Variants in SEPTIN9 observed in about 807,000 individuals in gnomAD.
The protein encoded by SEPTIN9 is septin 9.
A neutral mutation model predicts 56.6 loss-of-function variants in SEPTIN9; 13 were observed. The ratio of observed to expected loss-of-function variants is 0.23; its 90% CI spans 0.15 to 0.37. The LOEUF is 0.37. Among genes scored for constraint, SEPTIN9 ranks in the 10% least tolerant of loss-of-function variants. The pLI is 1.00. For synonymous variants in SEPTIN9, 332 were observed against 334.1 expected, an observed-to-expected ratio of 0.99 and a Z score of 0.07; for missense variants, 650 against 823.1, an observed-to-expected ratio of 0.79 and a Z score of 2.57.
chr17:77,372,539 G>A (rs2034753116), intron 2 of SEPTIN9, among the ~76,000 whole-genome samples: 6 of 152,162 alleles, frequency 3.9e-5, no homozygotes, highest in South Asian at 4.1e-4. Context: ...ACCTTCCTTC[G>A]GAAACGTCTG....
chr17:77,366,186 T>C (rs1392139111), intron 2 of SEPTIN9, among the ~76,000 whole-genome samples: 1 of 152,162 alleles, frequency 6.6e-6, no homozygotes, highest in Admixed American at 6.5e-5. Context: ...TAGTGTGACT[T>C]TGCAGAGCTC....
chr17:77,473,717 C>T (rs1003486546), intron 3 of SEPTIN9, among the ~76,000 whole-genome samples: 3 of 152,208 alleles, frequency 2.0e-5, no homozygotes, highest in Non-Finnish European at 4.4e-5. Flanking sequence ...CCGGAAGTCT[C>T]GGCTAATAAA....
chr17:77,320,447 C>A, intron 2 of SEPTIN9: 1 of 1,044,158 alleles, frequency 9.6e-7, no homozygotes, highest in Non-Finnish European at 1.5e-6. Context: ...GGCGCTTTTG[C>A]TCATTTTTCA....
At chr17:77,300,971 C>G (rs1386677948) in intron 1 of SEPTIN9, among the ~76,000 whole-genome samples, 1 of 139,806 alleles carries the variant, frequency 7.2e-6, no homozygotes, top group East Asian at 2.2e-4. Flanking sequence ...TCAAAGCATC[C>G]CCACCCCAGG....
rs530050848 is a variant in SEPTIN9 at position 77,463,100 on chromosome 17, G to T, written c.722-19044G>T. On this transcript the variant is annotated intron_variant, in intron 3 of 11. Coordinates refer to ENST00000427177, the MANE Select transcript of SEPTIN9 (RefSeq NM_001113491.2). ...CAGATCCTCTGTCTCTGGAGATGAG[G>T]CTGTTCCTTTCCGCTGGGTGTAGGG... Among the ~76,000 whole-genome samples, 9 of 152,326 alleles carry T rather than the reference G, an allele frequency of 5.9e-5. No homozygotes were observed. In the East Asian group the frequency reaches 1.3e-3, roughly 23 times the overall value.
intron 3 of SEPTIN9, among the ~76,000 whole-genome samples, chr17:77,415,471 G>A (rs2036467095): frequency 6.6e-6 from 1 of 152,104 alleles, no homozygotes; most frequent in African/African-American, 2.4e-5. Flanking sequence ...GCTGGGTGTG[G>A]TGGCGTGTAC....
chr17:77,333,122 T>G (rs1252255657), intron 2 of SEPTIN9, among the ~76,000 whole-genome samples: 3 of 152,214 alleles, frequency 2.0e-5, no homozygotes, highest in African/African-American at 7.2e-5. Flanking sequence ...TGGCCAACAT[T>G]TGGTGCTGTC....
intron 3 of SEPTIN9, among the ~76,000 whole-genome samples, chr17:77,440,321 A>AT (rs2037499718): frequency 6.6e-6 from 1 of 151,832 alleles, no homozygotes; most frequent in African/African-American, 2.4e-5. Context: ...CGCCCGGCGA[A>AT]TTTTTGTATT....
Position 77,451,781 on chromosome 17 carries a change from T to C in SEPTIN9, c.722-30363T>C, listed in dbSNP as rs2037983190. On this transcript the variant is annotated intron_variant, in intron 3 of 11. Coordinates refer to ENST00000427177, the MANE Select transcript of SEPTIN9 (RefSeq NM_001113491.2). This position sits in a 1 kb window ranked among gnomAD's most constrained non-coding sequence, Gnocchi z 4.2. ...ATAGGGCTTTGTGTGGTCACAGCTA[T>C]CTCTTTGTAAATATTTGGCCAACTA... Among the ~76,000 whole-genome samples, 1 of 152,196 alleles carries C rather than the reference T, an allele frequency of 6.6e-6. No individual in the cohort carries two copies. Among genetic ancestry groups the C allele is most frequent in the Admixed American group, 6.5e-5 (1 of 15,286 alleles).
chr17:77,288,592 C>G (rs1234868093), intron 1 of SEPTIN9, among the ~76,000 whole-genome samples: 2 of 152,252 alleles, frequency 1.3e-5, no homozygotes, highest in Non-Finnish European at 2.9e-5. Context: ...ACTATGGCTC[C>G]TGTTTCCATC....
chr17:77,394,287 T>A (rs1334379885), intron 2 of SEPTIN9, among the ~76,000 whole-genome samples: 4 of 152,180 alleles, frequency 2.6e-5, no homozygotes, highest in Admixed American at 2.6e-4. Context: ...CTGGACTCAC[T>A]CTGTAGATCC....
intron 3 of SEPTIN9, among the ~76,000 whole-genome samples, chr17:77,481,415 C>T (rs1293457211): frequency 6.6e-6 from 1 of 152,118 alleles, no homozygotes; most frequent in East Asian, 1.9e-4. Flanking sequence ...CCCCCTCCTC[C>T]ATGAGCCCAG....
At chr17:77,307,430 C>G (rs930602679) in intron 2 of SEPTIN9, among the ~76,000 whole-genome samples, 8 of 152,220 alleles carry the variant, frequency 5.3e-5, no homozygotes, top group African/African-American at 1.9e-4. Flanking sequence ...GCAGCCACCC[C>G]CAGGCTCAGG....
At position 77,426,227 on chromosome 17, in the gene SEPTIN9, C is replaced by T. The variant is rs115937338; in HGVS notation, c.721+23524C>T. 3.6e-3 allele frequency among the ~76,000 whole-genome samples: 548 copies of T among 152,102 alleles called. 3 individuals carry two copies. Among genetic ancestry groups the T allele is most frequent in the African/African-American group, 0.012 (503 of 41,478 alleles). On this transcript the variant is annotated intron_variant, in intron 3 of 11. Transcript: ENST00000427177. Reference sequence around the variant, plus strand: ...GGGTAGTTGTCCCTCCTGAACTGACCGCCTGTCCTACACAGTCCCCTGTGG... The same window carrying T: ...GGGTAGTTGTCCCTCCTGAACTGACTGCCTGTCCTACACAGTCCCCTGTGG...
intron 4 of SEPTIN9, among the ~76,000 whole-genome samples, chr17:77,486,365 A>G (rs755772550): frequency 5.1e-4 from 78 of 151,850 alleles, no homozygotes; most frequent in Non-Finnish European, 9.0e-4. Context: ...CAGCCTCCCA[A>G]AGTGCTGGGA....
In SEPTIN9 at chr17:77,499,709, T is replaced by A; in HGVS notation, c.*1051T>A. The A allele has an allele frequency of 2.7e-6, 1 of 374,334 alleles. No homozygotes were observed. Among genetic ancestry groups the A allele is most frequent in the African/African-American group, 2.0e-5 (1 of 48,946 alleles). 23.2% of individuals were successfully genotyped at this position (374,334 alleles called of 1,614,324 possible). Reference sequence around the variant, plus strand: ...CTAGTGTCTGGGTTTGGCCCAAGACTGGGCTGTAGTTACATTAATGCCCAG... The same window carrying A: ...CTAGTGTCTGGGTTTGGCCCAAGACAGGGCTGTAGTTACATTAATGCCCAG... On this transcript the variant is annotated 3_prime_UTR_variant, in exon 12 of 12. Transcript: ENST00000427177.
At chr17:77,466,413 TG>T (rs1389900485) in intron 3 of SEPTIN9, 1 of 985,374 alleles carries the variant, frequency 1.0e-6, no homozygotes, top group African/African-American at 1.7e-5. Context: ...TGGAAGGGCC[TG>T]GGAGGGGACA....
intron 2 of SEPTIN9, among the ~76,000 whole-genome samples, chr17:77,370,260 C>T (rs1042926367): frequency 6.6e-6 from 1 of 152,202 alleles, no homozygotes. Context: ...TCTGAAGACT[C>T]CAGGGGAAAA....
intron 2 of SEPTIN9, among the ~76,000 whole-genome samples, chr17:77,384,523 G>C (rs541184830): frequency 5.8e-4 from 89 of 152,142 alleles, no homozygotes; most frequent in South Asian, 3.5e-3. Context: ...GGAAGGAGGG[G>C]ATGGGGGAGA....
Sources: gnomAD v4.1 joint callset for allele counts (sites outside exome capture counted in the v4.1 genomes callset) on GRCh38, gnomAD v4.1.1 for gene constraint, Gnocchi (gnomAD v3.1) non-coding constraint, MANE v1.5 for transcripts, NCBI Gene and HGNC (gene_info 2026-07-23, HGNC 2026-07-21) for gene names.